ELFN1: variants seen among roughly 807,000 people sequenced by gnomAD.
The protein encoded by ELFN1 is extracellular leucine rich repeat and fibronectin type III domain containing 1, also known as protein ELFN1.
In ELFN1, 6 loss-of-function variants were observed where a neutral mutation model predicts 7.6. That is an observed-to-expected ratio of 0.79 (90% CI 0.43 to 1.56). The LOEUF is 1.56. Among genes scored for constraint, ELFN1 ranks in the 40% most tolerant of loss-of-function variants. The probability of loss-of-function intolerance (pLI) is 0.01; values close to 1 mark genes in which losing one functional copy is unlikely to be tolerated. For synonymous variants in ELFN1, 657 were observed against 588.1 expected (o/e 1.12, Z -1.70); for missense variants, 1,169 against 1,232.2 (o/e 0.95, Z 0.77).
rs918618114 is a variant in ELFN1, at chr7:1,720,544, G to A, written c.-294+11292G>A. On this transcript the variant is annotated intron_variant, in intron 3 of 3. Transcript: ENST00000424383. ...GAATGGAAAACCGCCTTCAATAACC[G>A]GGCCCCATCTAACCAGGCAGGTGGT... 5.9e-5 allele frequency among the ~76,000 whole-genome samples: 9 copies of A among 152,200 alleles called. No homozygotes were observed. The East Asian group carries it at 7.7e-4, about 13-fold the overall frequency.
chr7:1,698,769 A>G (rs1779368307), intron 2 of ELFN1, among the ~76,000 whole-genome samples: 2 of 152,156 alleles, frequency 1.3e-5, no homozygotes, highest in Admixed American at 1.3e-4. Context: ...TTCAGGGTTG[A>G]TATCACTCTT....
chr7:1,702,862 G>A (rs955450658), intron 2 of ELFN1, among the ~76,000 whole-genome samples: 1 of 151,184 alleles, frequency 6.6e-6, no homozygotes, highest in African/African-American at 2.5e-5. Flanking sequence ...TGCTGAATCA[G>A]AGTGGTGGCA....
chr7:1,715,939 C>G (rs543608706), intron 3 of ELFN1, among the ~76,000 whole-genome samples: 1 of 152,332 alleles, frequency 6.6e-6, no homozygotes, highest in African/African-American at 2.4e-5. Context: ...GGCCTCTGAC[C>G]CCTGGTCTCT....
intron 3 of ELFN1, among the ~76,000 whole-genome samples, chr7:1,718,591 C>A (rs1366530509): frequency 6.6e-6 from 1 of 152,190 alleles, no homozygotes; most frequent in Non-Finnish European, 1.5e-5. Context: ...AACCAGAGCA[C>A]TTCTGAGAGT....
intron 3 of ELFN1, among the ~76,000 whole-genome samples, chr7:1,741,961 CAT>C (rs2128604130): frequency 6.6e-6 from 1 of 152,072 alleles, no homozygotes; most frequent in Admixed American, 6.6e-5. Flanking sequence ...TGTGCACACA[CAT>C]CTGTACACAC....
At position 1,699,136 on chromosome 7, in the gene ELFN1, C is replaced by T. The variant is rs142957726; in HGVS notation, c.-455-9955C>T. On this transcript the variant is annotated intron_variant, in intron 2 of 3. Transcript: ENST00000424383. ...ATGGCGGTTCCTTCCTCTTCATTGCCGTATAGTATTCCCATGTAAGGCTGT... is the reference window on the plus strand; with the variant it reads ...ATGGCGGTTCCTTCCTCTTCATTGCTGTATAGTATTCCCATGTAAGGCTGT... Among the ~76,000 whole-genome samples the T allele has an allele frequency of 1.7e-3, 257 of 152,282 alleles. 3 individuals are homozygous for T. Among genetic ancestry groups the T allele is most frequent in the African/African-American group, 5.9e-3 (247 of 41,554 alleles).
intron 3 of ELFN1, among the ~76,000 whole-genome samples, chr7:1,723,242 T>C (rs1780078192): frequency 6.6e-6 from 1 of 152,204 alleles, no homozygotes; most frequent in South Asian, 2.1e-4. Flanking sequence ...AAATTCACCA[T>C]CTTAAGCATT....
chr7:1,680,472 G>A (rs935240535), intron 1 of ELFN1, among the ~76,000 whole-genome samples: 1 of 152,186 alleles, frequency 6.6e-6, no homozygotes, highest in Non-Finnish European at 1.5e-5. Context: ...GCTGTGCTGC[G>A]CTTGTTTCCC....
At position 1,746,499 on chromosome 7, in the gene ELFN1, C is replaced by G; in HGVS notation, c.1903C>G (p.Pro635Ala). 1.3e-6 allele frequency: 2 copies of G among 1,490,024 alleles called. No individual in the cohort carries two copies. The highest frequency in any genetic ancestry group is 1.8e-6 in the Non-Finnish European group (2 of 1,128,536). 92.3% of individuals were successfully genotyped at this position (1,490,024 alleles called of 1,614,324 possible). ...GCACCACAGCGTGGAGGCCGCCGGG[C>G]CCCCTCGTGCCAGCACCTCGTCCAG... is the stretch of plus-strand genomic sequence containing the variant. The part of the protein sequence containing the change: ...QRHHSVEAAG[P>A]PRASTSSSGS... The change falls in exon 4 of 4, where the codon CCC (proline) becomes GCC (alanine). Residue 635 changes from proline (P) to alanine (A), a missense_variant. Physicochemically the swap from Pro to Ala is conservative, Grantham distance 27. Transcript: ENST00000424383.
intron 3 of ELFN1, among the ~76,000 whole-genome samples, chr7:1,723,971 C>T (rs889187474): frequency 9.9e-5 from 15 of 152,240 alleles, no homozygotes; most frequent in South Asian, 4.1e-4. Context: ...AACATGCCCA[C>T]GCTGACCTGT....
intron 3 of ELFN1, among the ~76,000 whole-genome samples, chr7:1,724,807 A>G (rs6951734): frequency 0.18 from 27,207 of 152,146 alleles, 3,117 homozygotes; most frequent in African/African-American, 0.33. Flanking sequence ...CTCAAGGTCA[A>G]GGTTACCTGT....
At chr7:1,674,471 G>A (rs1468505411) in intron 1 of ELFN1, among the ~76,000 whole-genome samples, 1 of 152,188 alleles carries the variant, frequency 6.6e-6, no homozygotes, top group East Asian at 1.9e-4. Flanking sequence ...CCTCTTTGGG[G>A]CTGAGGAGGA....
intron 2 of ELFN1, among the ~76,000 whole-genome samples, chr7:1,694,496 G>A (rs890001511): frequency 1.3e-5 from 2 of 152,160 alleles, no homozygotes; most frequent in Admixed American, 1.3e-4. Context: ...GGGGATTCCT[G>A]GCTTCTCCCA....
chr7:1,706,564 C>T (rs2128586376), intron 2 of ELFN1, among the ~76,000 whole-genome samples: 1 of 152,366 alleles, frequency 6.6e-6, no homozygotes, highest in Non-Finnish European at 1.5e-5. Context: ...CCCCGGCCTT[C>T]CCAGTGCAGC....
At chr7:1,696,085 G>T (rs1250237775) in intron 2 of ELFN1, among the ~76,000 whole-genome samples, 1 of 152,182 alleles carries the variant, frequency 6.6e-6, no homozygotes. Flanking sequence ...GGGATCGGGT[G>T]CCAGCGGGGT....
In ELFN1 at chr7:1,704,371, C is replaced by A. The variant is rs779255168; in HGVS notation, c.-455-4720C>A. 2.0e-5 allele frequency among the ~76,000 whole-genome samples: 3 copies of A among 152,284 alleles called. No individual in the cohort carries two copies. The South Asian group carries it at 6.2e-4, about 32-fold the overall frequency. ...GTCCTGATCCGGACAAAAGGACCAG[C>A]GTTGTCTGGAGAACCTACAATACAC... On this transcript the variant is annotated intron_variant, in intron 2 of 3. Transcript: ENST00000424383.
At chr7:1,693,695 G>T (rs1779230268) in intron 2 of ELFN1, 2 of 470,842 alleles carry the variant, frequency 4.2e-6, no homozygotes, top group South Asian at 3.1e-5. Flanking sequence ...TGTGTCTACA[G>T]ACAGCTGTGT....
At chr7:1,730,064 C>T (rs1240287599) in intron 3 of ELFN1, among the ~76,000 whole-genome samples, 2 of 152,272 alleles carry the variant, frequency 1.3e-5, no homozygotes, top group Non-Finnish European at 2.9e-5. Flanking sequence ...GAATCCGCCA[C>T]GTCGGATGCC....
At chr7:1,671,163 G>A (rs1415011719) in intron 1 of ELFN1, among the ~76,000 whole-genome samples, 3 of 128,402 alleles carry the variant, frequency 2.3e-5, no homozygotes, top group Non-Finnish European at 3.3e-5. Flanking sequence ...CTGCCGTACC[G>A]CACACCGCCC....
Sources: allele counts gnomAD v4.1 joint callset (sites outside exome capture counted in the v4.1 genomes callset), GRCh38; gene constraint gnomAD v4.1.1; transcripts MANE v1.5; gene names NCBI Gene and HGNC (gene_info 2026-07-23, HGNC 2026-07-21).